EMC1: variants seen among roughly 807,000 people sequenced by gnomAD.
The protein encoded by EMC1 is KIAA0090.
In EMC1, 103 loss-of-function variants were observed where a neutral mutation model predicts 128.8. That is an observed-to-expected ratio of 0.80 (90% CI 0.68 to 0.94). The LOEUF (loss-of-function observed/expected upper bound fraction) is 0.94, where lower values mean the gene tolerates loss of function less well. EMC1 is among the 40% of genes least tolerant of loss of function. The pLI is 0.00. For missense variants in EMC1, 1,083 were observed against 1,250.6 expected (o/e 0.87, Z 2.02); for synonymous variants, 442 against 490.4 (o/e 0.90, Z 1.30).
intron 1 of EMC1, 23 bp from the exon 2 acceptor site, chr1:19,245,053 G>T: frequency 2.5e-6 from 4 of 1,611,914 alleles, no homozygotes; most frequent in South Asian, 1.1e-5. Flanking sequence ...GAGTACAGGG[G>T]ACCATAAGGA....
intron 2 of EMC1, 92 bp downstream of exon 2, chr1:19,244,814 G>T: frequency 6.8e-7 from 1 of 1,476,288 alleles, no homozygotes; most frequent in Non-Finnish European, 9.4e-7. Flanking sequence ...TGGCCAACAT[G>T]TTCCTTATTC....
At chr1:19,241,275 T>G in intron 5 of EMC1, 133 bp from the exon 6 acceptor site, 1 of 971,444 alleles carries the variant, frequency 1.0e-6, no homozygotes, top group Non-Finnish European at 1.5e-6. Flanking sequence ...TCACACAGTT[T>G]GGGGGCTTTT....
At position 19,219,233 on chromosome 1, in the gene EMC1, ACTGCAGCTGTAG is replaced by A; in HGVS notation, c.*58_*69del. ...CACACATACTCCACCAATCCACCAA[ACTGCAGCTGTAG>A]CTGCTTATCTGACCCACACTCCCCT... On this transcript the variant is annotated 3_prime_UTR_variant, in exon 23 of 23. Transcript: ENST00000477853. 1 of 1,506,462 alleles carries A rather than the reference ACTGCAGCTGTAG, an allele frequency of 6.6e-7. No individual in the cohort carries two copies. Among genetic ancestry groups the A allele is most frequent in the Non-Finnish European group, 9.2e-7 (1 of 1,089,352 alleles). 93.3% of individuals were successfully genotyped at this position (1,506,462 alleles called of 1,614,324 possible).
intron 13 of EMC1, among the ~76,000 whole-genome samples, chr1:19,234,573 G>A (rs927591395): frequency 5.3e-5 from 8 of 152,204 alleles, no homozygotes; most frequent in South Asian, 2.1e-4. Flanking sequence ...CCCCCCAGGC[G>A]CAGCAGCTCA....
At chr1:19,239,205 T>C (rs762290789) in intron 9 of EMC1, 26 bp downstream of exon 9, 10 of 1,603,482 alleles carry the variant, frequency 6.2e-6, no homozygotes, top group Non-Finnish European at 8.5e-6. Context: ...AAATCCCAAG[T>C]GCTGACTGTT....
chr1:19,245,132 T>C, intron 1 of EMC1, 102 bp from the exon 2 acceptor site: 1 of 1,335,150 alleles, frequency 7.5e-7, no homozygotes, highest in Non-Finnish European at 1.1e-6. Context: ...ACATTCATTT[T>C]AGGACACATA....
chr1:19,247,816 G>A (rs2093638504), intron 1 of EMC1, among the ~76,000 whole-genome samples: 1 of 152,256 alleles, frequency 6.6e-6, no homozygotes, highest in Non-Finnish European at 1.5e-5. Flanking sequence ...CCTGAGGTCA[G>A]GAGTTCAAGA....
intron 19 of EMC1, 73 bp from the exon 20 acceptor site, chr1:19,222,907 C>T: frequency 1.7e-6 from 2 of 1,158,068 alleles, no homozygotes; most frequent in African/African-American, 1.5e-5. Flanking sequence ...CACTGGAAGG[C>T]ACCCCTCTAA....
rs748675045 is a variant in EMC1 at position 19,219,458 on chromosome 1, A to G, written c.2827T>C (p.Tyr943His). 1 of 1,614,008 alleles carries G rather than the reference A, an allele frequency of 6.2e-7. No homozygotes were observed. Among genetic ancestry groups the G allele is most frequent in the East Asian group, 2.2e-5 (1 of 44,858 alleles). ...TTGGATGGGTAGACTCGAGTTTGGT[A>G]AATGTCCAAACCATAGGCCACAACC... ...CLVVAYGLDIYQTRVYPSKQF... is the reference protein window; with the variant it reads ...CLVVAYGLDIHQTRVYPSKQF... The change falls in exon 23 of 23, where the codon TAC (tyrosine) becomes CAC (histidine). Residue 943 changes from tyrosine (Y) to histidine (H), a missense_variant. Transcript: ENST00000477853.
At chr1:19,236,644 A>C (rs1164006949) in intron 12 of EMC1, among the ~76,000 whole-genome samples, 1 of 129,644 alleles carries the variant, frequency 7.7e-6, no homozygotes, top group Non-Finnish European at 1.6e-5. Context: ...GAGCAACAAG[A>C]GCAAAACTCC....
chr1:19,230,131 C>G (rs1359197769), intron 17 of EMC1, among the ~76,000 whole-genome samples: 4 of 152,180 alleles, frequency 2.6e-5, no homozygotes, highest in Non-Finnish European at 5.9e-5. Flanking sequence ...AAACTGACCC[C>G]CTTTCTAGAA....
intron 6 of EMC1, 179 bp downstream of exon 6, chr1:19,240,837 C>A: frequency 1.5e-6 from 1 of 688,076 alleles, no homozygotes; most frequent in East Asian, 2.6e-5. Flanking sequence ...ATAACACATG[C>A]AAATATGAGT....
At chr1:19,250,083 T>C (rs1433939183) in intron 1 of EMC1, among the ~76,000 whole-genome samples, 1 of 151,628 alleles carries the variant, frequency 6.6e-6, no homozygotes, top group Non-Finnish European at 1.5e-5. Context: ...CTGGGTGTGG[T>C]GGCGCATGCC....
chr1:19,237,606 G>A (rs1392889344), intron 11 of EMC1, among the ~76,000 whole-genome samples: 1 of 152,094 alleles, frequency 6.6e-6, no homozygotes, highest in Non-Finnish European at 1.5e-5. Context: ...GCACACAGAG[G>A]CAATACTGGG....
At chr1:19,227,777 G>A (rs1264146643) in intron 17 of EMC1, among the ~76,000 whole-genome samples, 1 of 152,032 alleles carries the variant, frequency 6.6e-6, no homozygotes, top group African/African-American at 2.4e-5. Flanking sequence ...CTGAGGCAGA[G>A]GCTGCAGTGA....
intron 12 of EMC1, among the ~76,000 whole-genome samples, chr1:19,235,532 T>G (rs868068861): frequency 6.6e-6 from 1 of 152,092 alleles, no homozygotes; most frequent in East Asian, 1.9e-4. Context: ...GAAACCCCTC[T>G]CTACTAAAAA....
rs866153973 is a variant in EMC1, at chr1:19,230,723, T to C, written c.2064+121A>G. On this transcript the variant is annotated intron_variant, in intron 17 of 22. Transcript: ENST00000477853. Reference sequence around the variant, plus strand: ...CAAATGATTGACTTTGTATCAGACATCAGGATTATGCTAATCTAAGTTTAC... The same window carrying C: ...CAAATGATTGACTTTGTATCAGACACCAGGATTATGCTAATCTAAGTTTAC... 7.0e-6 allele frequency: 9 copies of C among 1,281,040 alleles called. No individual in the cohort carries two copies. In the Middle Eastern group the frequency reaches 1.1e-3, roughly 154 times the overall value. The allele number at this position is 1,281,040 out of a possible 1,614,324, so 79.4% of individuals were successfully genotyped here.
intron 13 of EMC1, among the ~76,000 whole-genome samples, chr1:19,233,811 G>C (rs1430501786): frequency 6.6e-6 from 1 of 152,176 alleles, no homozygotes; most frequent in African/African-American, 2.4e-5. Flanking sequence ...TCACTGCGGG[G>C]TAACACTGAG....
intron 1 of EMC1, 91 bp from the exon 2 acceptor site, chr1:19,245,121 C>G: frequency 7.0e-7 from 1 of 1,423,368 alleles, no homozygotes; most frequent in Non-Finnish European, 9.8e-7. Flanking sequence ...CTATCACCAT[C>G]ACATTCATTT....
Sources: allele counts gnomAD v4.1 joint callset (sites outside exome capture counted in the v4.1 genomes callset), GRCh38; gene constraint gnomAD v4.1.1; transcripts MANE v1.5; gene names NCBI Gene and HGNC (gene_info 2026-07-23, HGNC 2026-07-21).